DNAAF11: variants seen among roughly 807,000 people sequenced by gnomAD.
The protein encoded by DNAAF11 is leucine rich repeat containing 6.
A neutral mutation model predicts 60.8 loss-of-function variants in DNAAF11; 45 were observed. The observed-to-expected ratio is 0.74, with a 90% CI of 0.58 to 0.95. The LOEUF is 0.95. Among genes scored for constraint, DNAAF11 ranks in the 40% least tolerant of loss-of-function variants. DNAAF11 has a pLI of 0.00. For synonymous variants in DNAAF11, 191 were observed against 183.5 expected, an observed-to-expected ratio of 1.04 and a Z score of -0.33; for missense variants, 546 against 546.2, an observed-to-expected ratio of 1.00 and a Z score of 0.00.
At chr8:132,689,468 AGTT>A in the DNAAF11 span, among the ~76,000 whole-genome samples, 2 of 148,570 alleles carry the variant, frequency 1.3e-5, no homozygotes, top group African/African-American at 2.5e-5. Flanking sequence ...ACAAGGAAAA[AGTT>A]AATAATATCA....
At chr8:132,623,494 GTAAA>G (rs1819960612) in intron 6 of DNAAF11, among the ~76,000 whole-genome samples, 1 of 152,014 alleles carries the variant, frequency 6.6e-6, no homozygotes, top group African/African-American at 2.4e-5. Flanking sequence ...TGGATAGGAG[GTAAA>G]TAAAGGAAGC....
intron 1 of DNAAF11, among the ~76,000 whole-genome samples, chr8:132,668,480 T>C (rs1479325834): frequency 6.6e-6 from 1 of 151,970 alleles, no homozygotes; most frequent in East Asian, 1.9e-4. Context: ...AGACAGAGTC[T>C]CGCTCTGTCG....
chr8:132,661,350 C>A, intron 2 of DNAAF11, 110 bp downstream of exon 2: 1 of 885,156 alleles, frequency 1.1e-6, no homozygotes, highest in East Asian at 2.6e-5. Context: ...GTCTGTTTTC[C>A]CATGGAGTTT....
intron 10 of DNAAF11, among the ~76,000 whole-genome samples, chr8:132,592,269 C>T (rs182915041): frequency 1.0e-3 from 156 of 152,302 alleles, no homozygotes; most frequent in African/African-American, 3.7e-3. Flanking sequence ...ACGCAGCTTG[C>T]TGTAGGAGCA....
At chr8:132,595,348 G>GAAAAAAAAAAAAAA (rs71306394) in intron 10 of DNAAF11, among the ~76,000 whole-genome samples, 10 of 57,412 alleles carry the variant, frequency 1.7e-4, no homozygotes, top group African/African-American at 1.1e-3. Flanking sequence ...AGACAGAGGG[G>GAAAAAAAAAAAAAA]AAAAAAAAAA....
At chr8:132,575,227 T>A (rs1233988214) in intron 11 of DNAAF11, among the ~76,000 whole-genome samples, 1 of 152,160 alleles carries the variant, frequency 6.6e-6, no homozygotes, top group Non-Finnish European at 1.5e-5. Flanking sequence ...CTCAAAGACC[T>A]CATCTTTAAA....
chr8:132,680,383 GC>G (rs1825846621), upstream of DNAAF11, among the ~76,000 whole-genome samples: 2 of 151,958 alleles, frequency 1.3e-5, no homozygotes, highest in African/African-American at 4.8e-5. Flanking sequence ...GAGTGTGTGT[GC>G]TTTTTTTTTA....
At chr8:132,590,822 C>T (rs554693768) in intron 10 of DNAAF11, among the ~76,000 whole-genome samples, 1 of 152,118 alleles carries the variant, frequency 6.6e-6, no homozygotes, top group African/African-American at 2.4e-5. Context: ...CTATAGTGTC[C>T]CAGAAATTGT....
chr8:132,698,855 C>A, the DNAAF11 span, among the ~76,000 whole-genome samples: 5 of 151,876 alleles, frequency 3.3e-5, no homozygotes, highest in East Asian at 9.7e-4. Flanking sequence ...CCGAGGCGGG[C>A]TGATCACCTG....
At chr8:132,654,392 A>G (rs1420156093) in intron 3 of DNAAF11, among the ~76,000 whole-genome samples, 4 of 151,932 alleles carry the variant, frequency 2.6e-5, no homozygotes, top group Non-Finnish European at 1.5e-5. Context: ...AAGGAAATAG[A>G]AGAGTAGGAA....
intron 4 of DNAAF11, among the ~76,000 whole-genome samples, chr8:132,634,298 T>C (rs1026206629): frequency 1.3e-5 from 2 of 152,318 alleles, no homozygotes; most frequent in South Asian, 2.1e-4. Flanking sequence ...ATAAAGTTTG[T>C]AGCTTTCCTC....
rs144229521 is a variant in DNAAF11 at position 132,584,613 on chromosome 8, C to T, written c.1141-834G>A. Reference sequence around the variant, plus strand: ...TGGGTCTGCCCAATATGGGGTCTGCCTTTTGTTTTCAAGGAGTGACCTGGA... The same window carrying T: ...TGGGTCTGCCCAATATGGGGTCTGCTTTTTGTTTTCAAGGAGTGACCTGGA... On this transcript the variant is annotated intron_variant, in intron 10 of 11. Coordinates refer to ENST00000620350, the MANE Select transcript of DNAAF11 (RefSeq NM_012472.6). Among the ~76,000 whole-genome samples, 601 of 152,262 alleles carry T rather than the reference C, an allele frequency of 3.9e-3. 11 individuals are homozygous for T. The highest frequency in any genetic ancestry group is 0.014 in the African/African-American group (580 of 41,552).
At chr8:132,686,622 C>T in the DNAAF11 span, among the ~76,000 whole-genome samples, 1 of 152,022 alleles carries the variant, frequency 6.6e-6, no homozygotes, top group Admixed American at 6.6e-5. Flanking sequence ...AGCAGACACC[C>T]AGGTAGATCA....
At chr8:132,591,275 C>T (rs1816439978) in intron 10 of DNAAF11, among the ~76,000 whole-genome samples, 1 of 151,744 alleles carries the variant, frequency 6.6e-6, no homozygotes, top group Non-Finnish European at 1.5e-5. Context: ...AGGAATTTGG[C>T]AGGAGTGGTT....
intron 3 of DNAAF11, among the ~76,000 whole-genome samples, chr8:132,639,818 C>T (rs1821679148): frequency 1.3e-5 from 2 of 151,406 alleles, no homozygotes; most frequent in South Asian, 4.2e-4. Context: ...TGCCTGCTAA[C>T]ATAGATGTTG....
At chr8:132,647,152 C>T (rs1462087051) in intron 3 of DNAAF11, among the ~76,000 whole-genome samples, 1 of 152,200 alleles carries the variant, frequency 6.6e-6, no homozygotes, top group Non-Finnish European at 1.5e-5. Flanking sequence ...GTCTCTCAGG[C>T]CACAGTGCAA....
rs138995151 is a variant in DNAAF11, at chr8:132,644,033, T to C, written c.257-5926A>G. ...AACCTCACATCTTTAAAAATAATTA[T>C]ATAAATGAAAAGGGGAAACAAAATA... On this transcript the variant is annotated intron_variant, in intron 3 of 11. Coordinates refer to ENST00000620350, the MANE Select transcript of DNAAF11 (RefSeq NM_012472.6). Among the ~76,000 whole-genome samples the C allele has an allele frequency of 4.6e-4, 70 of 152,244 alleles. No homozygotes were observed. In the East Asian group the frequency reaches 0.012, roughly 25 times the overall value.
intron 10 of DNAAF11, among the ~76,000 whole-genome samples, chr8:132,609,556 T>A (rs901057818): frequency 6.6e-6 from 1 of 152,104 alleles, no homozygotes; most frequent in African/African-American, 2.4e-5. Context: ...ACCTAAGAAG[T>A]TCCAGAGGAA....
intron 1 of DNAAF11, among the ~76,000 whole-genome samples, chr8:132,672,752 C>G (rs753549959): frequency 6.6e-5 from 10 of 152,096 alleles, no homozygotes; most frequent in Non-Finnish European, 1.0e-4. Flanking sequence ...TTCTCAGGAG[C>G]CCAAATTTCT....
Sources: allele counts gnomAD v4.1 joint callset (sites outside exome capture counted in the v4.1 genomes callset), GRCh38; gene constraint gnomAD v4.1.1; transcripts MANE v1.5; gene names NCBI Gene and HGNC (gene_info 2026-07-23, HGNC 2026-07-21).